BRINP3: variants seen among roughly 807,000 people sequenced by gnomAD.
The protein encoded by BRINP3 is BMP/retinoic acid inducible neural specific 3.
Under a neutral mutation model 71.0 loss-of-function variants are expected in BRINP3, and 19 were observed. The ratio of observed to expected loss-of-function variants is 0.27; its 90% CI spans 0.19 to 0.39. The LOEUF is 0.39. BRINP3 is among the 10% of genes least tolerant of loss of function. BRINP3 has a pLI of 1.00. For missense variants in BRINP3, 959 were observed against 940.8 expected (o/e 1.02, Z -0.25); for synonymous variants, 380 against 337.7 (o/e 1.13, Z -1.37).
At chr1:190,366,296 A>C (rs978112971) in intron 2 of BRINP3, among the ~76,000 whole-genome samples, 2 of 152,144 alleles carry the variant, frequency 1.3e-5, no homozygotes, top group Non-Finnish European at 1.5e-5. Flanking sequence ...AGGTGGCAGC[A>C]AAGAGAAGTG....
Position 190,208,151 on chromosome 1 carries a change from G to C in BRINP3, c.961+17931C>G, listed in dbSNP as rs540864909. ...ATTTTTTTTATTTTTGTAAAGGCTAGGGGACTCACTATGTTTCCCTGGTCT... is the reference window on the plus strand; with the variant it reads ...ATTTTTTTTATTTTTGTAAAGGCTACGGGACTCACTATGTTTCCCTGGTCT... On this transcript the variant is annotated intron_variant, in intron 6 of 7. Transcript: ENST00000367462. Among the ~76,000 whole-genome samples the C allele has an allele frequency of 4.2e-4, 63 of 151,648 alleles. 1 individual carries two copies. In the South Asian group the frequency reaches 9.2e-3, roughly 22 times the overall value.
chr1:190,419,492 A>C (rs1377142312), intron 2 of BRINP3, among the ~76,000 whole-genome samples: 1 of 152,018 alleles, frequency 6.6e-6, no homozygotes, highest in Non-Finnish European at 1.5e-5. Flanking sequence ...GGTTCTAAAA[A>C]TATCGTATTT....
intron 2 of BRINP3, chr1:190,302,765 T>C (rs943724834): frequency 6.6e-6 from 1 of 151,838 alleles, no homozygotes; most frequent in Non-Finnish European, 1.5e-5. Flanking sequence ...AATTACAGAG[T>C]TCCTCTACAT....
intron 4 of BRINP3, among the ~76,000 whole-genome samples, chr1:190,248,194 A>C (rs538866856): frequency 6.6e-6 from 1 of 151,970 alleles, no homozygotes; most frequent in African/African-American, 2.4e-5. Context: ...AGATTCGTGC[A>C]AACGTAATTG....
chr1:190,412,456 G>C (rs1406217588), intron 2 of BRINP3, among the ~76,000 whole-genome samples: 1 of 119,372 alleles, frequency 8.4e-6, no homozygotes, highest in East Asian at 2.3e-4. Flanking sequence ...GTTTTGTTTT[G>C]TTTTTTTTTG....
intron 2 of BRINP3, 79 bp from the exon 3 acceptor site, chr1:190,281,829 G>A (rs1663064175): frequency 7.5e-7 from 1 of 1,338,698 alleles, no homozygotes; most frequent in Non-Finnish European, 1.0e-6. Flanking sequence ...GGTAGCTGGG[G>A]TCAGTACATT....
chr1:190,275,412 T>C (rs570946174), intron 3 of BRINP3, among the ~76,000 whole-genome samples: 1 of 151,758 alleles, frequency 6.6e-6, no homozygotes, highest in African/African-American at 2.4e-5. Context: ...TGTTAAAATG[T>C]AGATTCTGAT....
chr1:190,434,523 T>G lies in BRINP3; in HGVS notation c.236+20132A>C, dbSNP rs552851804. Reference sequence around the variant, plus strand: ...GGACTTATTGAGGATCCCAAAGAGCTTCTGTCTATTTAGGTTATAATGATA... The same window carrying G: ...GGACTTATTGAGGATCCCAAAGAGCGTCTGTCTATTTAGGTTATAATGATA... On this transcript the variant is annotated intron_variant, in intron 2 of 7. Coordinates refer to ENST00000367462, the MANE Select transcript of BRINP3 (RefSeq NM_199051.3). Among the ~76,000 whole-genome samples, 163 of 152,188 alleles carry G rather than the reference T, an allele frequency of 1.1e-3. 5 individuals are homozygous for G. In the South Asian group the frequency reaches 0.021, roughly 20 times the overall value.
chr1:190,429,731 C>G (rs908366276), intron 2 of BRINP3, among the ~76,000 whole-genome samples: 2 of 151,774 alleles, frequency 1.3e-5, no homozygotes, highest in African/African-American at 2.4e-5. Flanking sequence ...GCTGGGATTA[C>G]AGGAAGCTGC....
intron 2 of BRINP3, among the ~76,000 whole-genome samples, chr1:190,396,815 G>T (rs1671606962): frequency 6.7e-6 from 1 of 148,444 alleles, no homozygotes; most frequent in South Asian, 2.1e-4. Context: ...GCTGGATATG[G>T]GGAGAGGGTG....
chr1:190,398,532 T>C (rs1671725600), intron 2 of BRINP3, among the ~76,000 whole-genome samples: 1 of 152,106 alleles, frequency 6.6e-6, no homozygotes, highest in Non-Finnish European at 1.5e-5. Context: ...CAAGTGAATC[T>C]AGATAGTATA....
intron 6 of BRINP3, among the ~76,000 whole-genome samples, chr1:190,218,119 T>A (rs1330285372): frequency 1.3e-5 from 2 of 151,766 alleles, no homozygotes. Flanking sequence ...AAAAACTATA[T>A]ACACCATATA....
At chr1:190,466,397 G>A (rs1042099224) in intron 1 of BRINP3, among the ~76,000 whole-genome samples, 10 of 151,626 alleles carry the variant, frequency 6.6e-5, no homozygotes, top group African/African-American at 2.4e-4. Flanking sequence ...ATTTTCTAGA[G>A]AAGCATAAAT....
intron 2 of BRINP3, among the ~76,000 whole-genome samples, chr1:190,356,514 A>C (rs551083706): frequency 6.6e-6 from 1 of 151,956 alleles, no homozygotes; most frequent in Non-Finnish European, 1.5e-5. Context: ...GTGGCTTAAA[A>C]TAAGACATTT....
intron 2 of BRINP3, among the ~76,000 whole-genome samples, chr1:190,285,394 C>A (rs1178431206): frequency 6.6e-6 from 1 of 152,056 alleles, no homozygotes; most frequent in African/African-American, 2.4e-5. Flanking sequence ...CAACTATAAT[C>A]AGAATTGCTA....
At chr1:190,310,103 GT>G (rs5779519) in intron 2 of BRINP3, among the ~76,000 whole-genome samples, 26,502 of 138,452 alleles carry the variant, frequency 0.19, 3,323 homozygotes, top group African/African-American at 0.35. Context: ...TGTGGTTGTT[GT>G]TTTTTTTTTT....
At chr1:190,470,361 A>G (rs1284023283) in intron 1 of BRINP3, among the ~76,000 whole-genome samples, 2 of 151,032 alleles carry the variant, frequency 1.3e-5, no homozygotes, top group Non-Finnish European at 3.0e-5. Flanking sequence ...ATTCTAATGT[A>G]ATGTTCATGT....
At chr1:190,205,166 C>G (rs116194079) in intron 6 of BRINP3, among the ~76,000 whole-genome samples, 2,364 of 151,938 alleles carry the variant, frequency 0.016, 76 homozygotes, top group African/African-American at 0.053. Context: ...AGGCAGACAC[C>G]AGTTGATCTG....
chr1:190,342,503 G>A (rs1667730088), intron 2 of BRINP3: 1 of 151,010 alleles, frequency 6.6e-6, no homozygotes, highest in Admixed American at 6.6e-5. Flanking sequence ...ATTGAAACAT[G>A]TCTCTCTGGA....
Sources: allele counts gnomAD v4.1 joint callset (sites outside exome capture counted in the v4.1 genomes callset), GRCh38; gene constraint gnomAD v4.1.1; transcripts MANE v1.5; gene names NCBI Gene and HGNC (gene_info 2026-07-23, HGNC 2026-07-21).